Variants in UBR2 observed in about 807,000 individuals in gnomAD.
UBR2 encodes the protein E3 ubiquitin-protein ligase UBR2.
UBR2 carries 92 observed loss-of-function variants against 247.9 expected under a neutral mutation model. The observed-to-expected ratio is 0.37, with a 90% CI of 0.31 to 0.44. UBR2 has a LOEUF of 0.44. UBR2 is among the 20% of genes least tolerant of loss of function. The pLI is 1.00. For synonymous variants in UBR2, 672 were observed against 693.5 expected, an observed-to-expected ratio of 0.97 and a Z score of 0.49; for missense variants, 1,613 against 2,112.6, an observed-to-expected ratio of 0.76 and a Z score of 4.64.
intron 21 of UBR2, among the ~76,000 whole-genome samples, chr6:42,647,468 C>A (rs537928421): frequency 6.7e-6 from 1 of 148,430 alleles, no homozygotes; most frequent in Non-Finnish European, 1.5e-5. Context: ...TGGTGGCAGG[C>A]GCCTGTAATC....
chr6:42,645,524 G>C lies in UBR2; in HGVS notation c.2343G>C (p.Glu781Asp). The change falls in exon 21 of 47, where the codon GAG (glutamate) becomes GAC (aspartate). Residue 781 changes from glutamate (E) to aspartate (D), a missense_variant. Transcript: ENST00000372901. ...ATGCTACAGATGAAATCAAGCGAGA[G>C]ATTATCCATCAGTTGAGTATCAAGC... ...QVNATDEIKREIIHQLSIKPM... is the reference protein window; with the variant it reads ...QVNATDEIKRDIIHQLSIKPM... The C allele has an allele frequency of 6.2e-7, 1 of 1,613,820 alleles. No homozygotes were observed. Among genetic ancestry groups the C allele is most frequent in the Non-Finnish European group, 8.5e-7 (1 of 1,179,772 alleles).
Position 42,659,777 on chromosome 6 carries a change from A to G in UBR2, c.3364A>G (p.Arg1122Gly). 1 of 1,614,220 alleles carries G rather than the reference A, an allele frequency of 6.2e-7. No individual in the cohort carries two copies. The highest frequency in any genetic ancestry group is 1.1e-5 in the South Asian group (1 of 91,090). ...GGAGCAAGAAGTTAAAGTGGAAAGCAGGGCAATGGTCTTGGCAGCATTTGT... is the reference window on the plus strand; with the variant it reads ...GGAGCAAGAAGTTAAAGTGGAAAGCGGGGCAATGGTCTTGGCAGCATTTGT... ...QEEQEVKVES[R>G]AMVLAAFVQR... The change falls in exon 30 of 47, where the codon AGG becomes GGG. Residue 1122 changes from arginine (R) to glycine (G), a missense_variant. Arg to Gly is a moderately radical substitution (Grantham distance 125). Transcript: ENST00000372901. This position sits in a 1 kb window ranked among gnomAD's most constrained non-coding sequence, Gnocchi z 4.3.
chr6:42,598,485 A>G (rs914216486), intron 4 of UBR2, among the ~76,000 whole-genome samples: 3 of 152,152 alleles, frequency 2.0e-5, no homozygotes, highest in African/African-American at 7.2e-5. Context: ...TCGCCTACTC[A>G]GTTCCCACTC....
At chr6:42,640,114 G>T (rs1796336614) in intron 15 of UBR2, 95 bp from the exon 16 acceptor site, 1 of 948,822 alleles carries the variant, frequency 1.1e-6, no homozygotes. Flanking sequence ...AAAGAGAAAA[G>T]AAGTTAGATA....
chr6:42,571,736 CAAAAA>C (rs55993422), intron 1 of UBR2, among the ~76,000 whole-genome samples: 3 of 82,150 alleles, frequency 3.7e-5, no homozygotes, highest in Non-Finnish European at 7.2e-5. Context: ...GCACGAGACT[CAAAAA>C]AAAAAAAAAA....
At chr6:42,587,108 C>G (rs1329267232) in intron 2 of UBR2, among the ~76,000 whole-genome samples, 2 of 152,084 alleles carry the variant, frequency 1.3e-5, no homozygotes, top group East Asian at 3.8e-4. Context: ...GCATGAGCCA[C>G]CATGCCCGGC....
At chr6:42,601,090 C>T (rs1043522816) in intron 4 of UBR2, among the ~76,000 whole-genome samples, 3 of 152,152 alleles carry the variant, frequency 2.0e-5, no homozygotes, top group African/African-American at 4.8e-5. Flanking sequence ...GTTCCAGGAC[C>T]ATTAAAGTTT....
chr6:42,603,982 T>C (rs1793541532), intron 5 of UBR2, among the ~76,000 whole-genome samples: 1 of 152,180 alleles, frequency 6.6e-6, no homozygotes, highest in East Asian at 1.9e-4. Context: ...AGTTTTCTCT[T>C]CTTTGATTGT....
At chr6:42,599,771 C>T (rs1793240725) in intron 4 of UBR2, among the ~76,000 whole-genome samples, 1 of 152,026 alleles carries the variant, frequency 6.6e-6, no homozygotes, top group South Asian at 2.1e-4. Flanking sequence ...CCCCTTCAGC[C>T]TCCCCAGTAG....
chr6:42,630,223 C>G (rs915341646), intron 11 of UBR2, among the ~76,000 whole-genome samples: 1 of 149,566 alleles, frequency 6.7e-6, no homozygotes, highest in African/African-American at 2.5e-5. Flanking sequence ...CTTGCTCTGT[C>G]GCCTAGGCTG....
In UBR2 at chr6:42,642,486, T is replaced by A. The variant is rs1236855221; in HGVS notation, c.2097+5T>A. On this transcript the variant is annotated splice_donor_5th_base_variant and intron_variant, in intron 18 of 46. Transcript: ENST00000372901. ...AAGGATGTAGTAATGCTTCAGGTAA[T>A]GAATTAAAAGCATTGAACTTAAAGG... is the stretch of plus-strand genomic sequence containing the variant. The A allele has an allele frequency of 6.2e-7, 1 of 1,607,240 alleles. No individual in the cohort carries two copies. The highest frequency in any genetic ancestry group is 2.2e-5 in the East Asian group (1 of 44,736).
intron 44 of UBR2, among the ~76,000 whole-genome samples, chr6:42,687,301 G>C (rs2151997036): frequency 6.6e-6 from 1 of 152,324 alleles, no homozygotes; most frequent in East Asian, 1.9e-4. Flanking sequence ...CGGCCAACAC[G>C]GCGAAACCCC....
chr6:42,678,995 G>A (rs1442312982), intron 41 of UBR2, among the ~76,000 whole-genome samples: 1 of 152,196 alleles, frequency 6.6e-6, no homozygotes, highest in East Asian at 1.9e-4. Context: ...ATTTGAAAAG[G>A]TGAAAACTGA....
chr6:42,574,408 G>A (rs996243998), intron 2 of UBR2, among the ~76,000 whole-genome samples: 3 of 151,942 alleles, frequency 2.0e-5, no homozygotes, highest in African/African-American at 7.3e-5. Flanking sequence ...TTCCTTTCTG[G>A]CACAAGATGC....
Position 42,689,748 on chromosome 6 carries a change from G to A in UBR2, c.5126+78G>A. The stretch of plus-strand genomic sequence containing the variant: ...TGTGGTGACGTCCTGAGGGTGGAGG[G>A]CTGAGGTGGTTCTGGAAGAGGTGGC... On this transcript the variant is annotated intron_variant, in intron 46 of 46. Transcript: ENST00000372901. This position sits in a 1 kb window ranked among gnomAD's most constrained non-coding sequence, Gnocchi z 4.0. The A allele has an allele frequency of 7.7e-7, 1 of 1,299,636 alleles. No homozygotes were observed. Among genetic ancestry groups the A allele is most frequent in the Non-Finnish European group, 1.1e-6 (1 of 898,620 alleles). 80.5% of individuals were successfully genotyped at this position (1,299,636 alleles called of 1,614,324 possible).
At chr6:42,660,999 A>ATT (rs1797768295) in intron 30 of UBR2, among the ~76,000 whole-genome samples, 2 of 131,740 alleles carry the variant, frequency 1.5e-5, no homozygotes, top group African/African-American at 5.1e-5. Flanking sequence ...TTGTTTTTAA[A>ATT]AAAAAAAAAA....
At chr6:42,609,263 T>C (rs917833692) in intron 7 of UBR2, among the ~76,000 whole-genome samples, 1 of 152,190 alleles carries the variant, frequency 6.6e-6, no homozygotes, top group African/African-American at 2.4e-5. Context: ...GTGTGTTCAG[T>C]ACAGTACTGC....
chr6:42,626,642 T>C (rs527581521), intron 11 of UBR2, among the ~76,000 whole-genome samples: 1 of 152,342 alleles, frequency 6.6e-6, no homozygotes, highest in East Asian at 1.9e-4. Flanking sequence ...TCAGTCTTAC[T>C]TCTGCTTCAT....
chr6:42,628,827 C>G lies in UBR2; in HGVS notation c.1282-3725C>G, dbSNP rs114169622. 4.0e-3 allele frequency among the ~76,000 whole-genome samples: 607 copies of G among 151,576 alleles called. 1 individual carries two copies. Among genetic ancestry groups the G allele is most frequent in the African/African-American group, 0.014 (564 of 41,272 alleles). ...GTTCAGTCAGCATTATCCCTGTATG[C>G]TATGGCATGTTTAGTTTAAAAGTAT... On this transcript the variant is annotated intron_variant, in intron 11 of 46. Coordinates refer to ENST00000372901, the MANE Select transcript of UBR2 (RefSeq NM_001363705.2).
Sources: allele counts gnomAD v4.1 joint callset (sites outside exome capture counted in the v4.1 genomes callset), GRCh38; gene constraint gnomAD v4.1.1; non-coding constraint Gnocchi (gnomAD v3.1); transcripts MANE v1.5; gene names NCBI Gene and HGNC (gene_info 2026-07-23, HGNC 2026-07-21).